PRIM2: variants seen among roughly 807,000 people sequenced by gnomAD.
The protein encoded by PRIM2 is DNA primase subunit 2, also known as DNA primase large subunit.
In PRIM2, 39 loss-of-function variants were observed where a neutral mutation model predicts 67.3. The ratio of observed to expected loss-of-function variants is 0.58; its 90% CI spans 0.45 to 0.76. The LOEUF is 0.76. PRIM2 is among the 30% of genes least tolerant of loss of function. The pLI, the probability that PRIM2 is intolerant of heterozygous loss-of-function variation, is 0.00. For synonymous variants in PRIM2, 143 were observed against 198.7 expected (o/e 0.72, Z 2.36); for missense variants, 398 against 598.7 (o/e 0.66, Z 3.50).
the PRIM2 span, among the ~76,000 whole-genome samples, chr6:57,224,555 TCTTGAA>T: frequency 6.6e-6 from 1 of 152,214 alleles, no homozygotes; most frequent in South Asian, 2.1e-4. Context: ...AACTTGATGC[TCTTGAA>T]CTTTATACTT....
chr6:57,442,839 T>C (rs1460572747), intron 7 of PRIM2, among the ~76,000 whole-genome samples: 1 of 152,238 alleles, frequency 6.6e-6, no homozygotes, highest in Admixed American at 6.5e-5. Flanking sequence ...TACCCTGTTA[T>C]TAACTATATT....
intron 10 of PRIM2, among the ~76,000 whole-genome samples, chr6:57,566,058 T>C: frequency 6.6e-6 from 1 of 152,270 alleles, no homozygotes; most frequent in South Asian, 2.1e-4. Flanking sequence ...TTTTTGTTTT[T>C]GTTTTTTTTT....
chr6:57,491,809 A>C (rs1773898295), intron 7 of PRIM2, among the ~76,000 whole-genome samples: 1 of 152,138 alleles, frequency 6.6e-6, no homozygotes, highest in Non-Finnish European at 1.5e-5. Flanking sequence ...TCCTGAATGC[A>C]GGTTGCTGGA....
rs543114850 is a variant in PRIM2, at chr6:57,324,508, G to C, written c.338+228G>C. Among the ~76,000 whole-genome samples the C allele has an allele frequency of 3.3e-5, 5 of 152,266 alleles. No homozygotes were observed. The East Asian group carries it at 9.6e-4, about 29-fold the overall frequency. On this transcript the variant is annotated intron_variant, in intron 4 of 13. Transcript: ENST00000615550. ...TTTTGCCTGATGAAACACTTCTTAA[G>C]TTTGTGAGATAGACTCTTCATTTGG...
chr6:57,375,216 C>T (rs1305889749), intron 5 of PRIM2, among the ~76,000 whole-genome samples: 2 of 152,274 alleles, frequency 1.3e-5, no homozygotes, highest in Non-Finnish European at 2.9e-5. Context: ...TCATATATGG[C>T]TCTTATTATT....
chr6:57,580,216 C>T (rs1164496170), intron 10 of PRIM2, among the ~76,000 whole-genome samples: 15 of 151,934 alleles, frequency 9.9e-5, no homozygotes, highest in African/African-American at 2.2e-4. Flanking sequence ...AGACCTGCCC[C>T]GGCATCATAG....
In PRIM2 at chr6:57,335,565, A is replaced by G. The variant is rs1768208689; in HGVS notation, c.459+9520A>G. On this transcript the variant is annotated intron_variant, in intron 5 of 13. Coordinates refer to ENST00000615550, the MANE Select transcript of PRIM2 (RefSeq NM_000947.5). ...GTGGGTCCCTGACCCCTGACCCCCG[A>G]GCAGCCTAACTGGGAGGCACCCCCC... Among the ~76,000 whole-genome samples, 8 of 152,228 alleles carry G rather than the reference A, an allele frequency of 5.3e-5. No homozygotes were observed. In the South Asian group the frequency reaches 1.7e-3, roughly 32 times the overall value.
the PRIM2 span, among the ~76,000 whole-genome samples, chr6:57,260,500 A>G: frequency 3.9e-5 from 6 of 152,298 alleles, 1 homozygote; most frequent in African/African-American, 1.4e-4. Context: ...CATATCAGCA[A>G]TTTATTTCAT....
At chr6:57,335,615 A>G (rs1562699535) in intron 5 of PRIM2, among the ~76,000 whole-genome samples, 1 of 152,182 alleles carries the variant, frequency 6.6e-6, no homozygotes, top group Non-Finnish European at 1.5e-5. Flanking sequence ...GACACCTCAC[A>G]TGGCCAGGTA....
intron 7 of PRIM2, among the ~76,000 whole-genome samples, chr6:57,470,435 C>CCCCTCTCCCCCTCTT (rs1773310814): frequency 1.3e-5 from 1 of 74,646 alleles, no homozygotes; most frequent in African/African-American, 5.9e-5. Flanking sequence ...CTCCCCCTCT[C>CCCCTCTCCCCCTCTT]CCCTCTCCCC....
intron 7 of PRIM2, among the ~76,000 whole-genome samples, chr6:57,435,364 C>G (rs1771976821): frequency 6.6e-6 from 1 of 152,102 alleles, no homozygotes; most frequent in Non-Finnish European, 1.5e-5. Flanking sequence ...AACTGTATGA[C>G]CAGTCCTGTC....
chr6:57,293,768 T>C, the PRIM2 span, among the ~76,000 whole-genome samples: 1 of 147,262 alleles, frequency 6.8e-6, no homozygotes, highest in Non-Finnish European at 1.5e-5. Flanking sequence ...TTCCCAGTCA[T>C]AGGTGGGAAT....
chr6:57,276,963 T>C, the PRIM2 span, among the ~76,000 whole-genome samples: 1 of 149,176 alleles, frequency 6.7e-6, no homozygotes, highest in African/African-American at 2.5e-5. Context: ...CAAAGAAGCA[T>C]GGGGGAGAAT....
At chr6:57,605,602 GAAA>G (rs1196160539) in intron 11 of PRIM2, among the ~76,000 whole-genome samples, 1 of 151,580 alleles carries the variant, frequency 6.6e-6, no homozygotes, top group East Asian at 1.9e-4. Flanking sequence ...CTGTATGACT[GAAA>G]AAAAAGACTT....
intron 8 of PRIM2, among the ~76,000 whole-genome samples, chr6:57,516,431 T>G (rs1774489038): frequency 6.6e-6 from 1 of 152,208 alleles, no homozygotes; most frequent in African/African-American, 2.4e-5. Flanking sequence ...ATACTAACGT[T>G]TCCTGGAGTT....
chr6:57,271,369 G>A, the PRIM2 span, among the ~76,000 whole-genome samples: 1 of 152,204 alleles, frequency 6.6e-6, no homozygotes. Context: ...GGGTGTATGT[G>A]TCAAGGAATG....
At chr6:57,491,113 C>T (rs1581950677) in intron 7 of PRIM2, among the ~76,000 whole-genome samples, 2 of 152,046 alleles carry the variant, frequency 1.3e-5, no homozygotes, top group East Asian at 3.8e-4. Context: ...GAAAGAAAGA[C>T]AAGAAAAACC....
chr6:57,462,052 G>A (rs9476000), intron 7 of PRIM2, among the ~76,000 whole-genome samples: 6 of 152,182 alleles, frequency 3.9e-5, no homozygotes, highest in African/African-American at 1.4e-4. Flanking sequence ...ACTGACACAG[G>A]TATCTGTCCA....
chr6:57,345,120 G>C (rs1197099086), intron 5 of PRIM2, among the ~76,000 whole-genome samples: 1 of 148,542 alleles, frequency 6.7e-6, no homozygotes, highest in Non-Finnish European at 1.5e-5. Context: ...ACAGAGCTAT[G>C]TCCTATTTGT....
Sources: allele counts gnomAD v4.1 joint callset (sites outside exome capture counted in the v4.1 genomes callset), GRCh38; gene constraint gnomAD v4.1.1; transcripts MANE v1.5; gene names NCBI Gene and HGNC (gene_info 2026-07-23, HGNC 2026-07-21).